The following FAT3 variants were observed in gnomAD, a reference collection of about 807,000 sequenced individuals.
FAT3 encodes the protein protocadherin Fat 3.
FAT3 carries 95 observed loss-of-function variants against 310.2 expected under a neutral mutation model. The ratio of observed to expected loss-of-function variants is 0.31; its 90% CI spans 0.26 to 0.36. The LOEUF (loss-of-function observed/expected upper bound fraction) is 0.36. Among genes scored for constraint, FAT3 ranks in the 10% least tolerant of loss-of-function variants. FAT3 has a pLI of 1.00. For synonymous variants in FAT3, 2,314 were observed against 2,192.9 expected (o/e 1.06, Z -1.54); for missense variants, 5,408 against 5,715.6 (o/e 0.95, Z 1.74).
Position 92,882,770 on chromosome 11 carries a change from A to C in FAT3, c.12314A>C (p.Glu4105Ala), listed in dbSNP as rs1565676273. 1.9e-6 allele frequency: 3 copies of C among 1,610,824 alleles called. No homozygotes were observed. In the Admixed American group the frequency reaches 5.0e-5, roughly 27 times the overall value. ...GAGGACATCAATGAGTGCGAACGAGAGGAGTGTGAGAACGGAGGCTCCTGC... is the reference window on the plus strand; with the variant it reads ...GAGGACATCAATGAGTGCGAACGAGCGGAGTGTGAGAACGGAGGCTCCTGC... ...CEEDINECEREECENGGSCVN... is the reference protein window; with the variant it reads ...CEEDINECERAECENGGSCVN... The change falls in exon 24 of 28, where the codon GAG becomes GCG. Residue 4105 changes from glutamate (E) to alanine (A), a missense_variant. Glu to Ala is a moderately radical substitution (Grantham distance 107). Coordinates refer to ENST00000525166, the MANE Select transcript of FAT3 (RefSeq NM_001367949.2).
At chr11:92,263,228 T>C (rs1037980168) in intron 1 of FAT3, among the ~76,000 whole-genome samples, 1 of 149,684 alleles carries the variant, frequency 6.7e-6, no homozygotes, top group Non-Finnish European at 1.5e-5. Flanking sequence ...CTGTCCATCA[T>C]TTTTTTTTTC....
intron 13 of FAT3, among the ~76,000 whole-genome samples, chr11:92,819,279 T>C (rs1490857613): frequency 6.6e-6 from 1 of 152,200 alleles, no homozygotes; most frequent in East Asian, 1.9e-4. Context: ...CAGTATCACC[T>C]GGGAGCTTGT....
At chr11:92,675,354 G>A (rs537833729) in intron 3 of FAT3, among the ~76,000 whole-genome samples, 1 of 152,284 alleles carries the variant, frequency 6.6e-6, no homozygotes, top group East Asian at 1.9e-4. Context: ...TATAGGAGAA[G>A]GACCTAAAGT....
At chr11:92,538,742 C>T (rs1954344284) in intron 3 of FAT3, among the ~76,000 whole-genome samples, 1 of 152,062 alleles carries the variant, frequency 6.6e-6, no homozygotes, top group Non-Finnish European at 1.5e-5. Context: ...TTTCACCATG[C>T]ACTGACATTT....
chr11:92,453,121 C>A (rs1318768055), intron 2 of FAT3, among the ~76,000 whole-genome samples: 1 of 152,088 alleles, frequency 6.6e-6, no homozygotes, highest in Non-Finnish European at 1.5e-5. Context: ...CCATTCATAT[C>A]TTTGCCGATT....
intron 3 of FAT3, among the ~76,000 whole-genome samples, chr11:92,555,829 C>G (rs1178541799): frequency 6.6e-6 from 1 of 152,240 alleles, no homozygotes; most frequent in Non-Finnish European, 1.5e-5. Flanking sequence ...AATTACCACA[C>G]TCACCACAGA....
intron 22 of FAT3, among the ~76,000 whole-genome samples, chr11:92,871,530 T>C (rs906032810): frequency 1.2e-4 from 18 of 152,234 alleles, no homozygotes; most frequent in African/African-American, 4.1e-4. Context: ...ACATTGTATG[T>C]AGTGTTCTCA....
At chr11:92,592,728 G>A (rs1488529011) in intron 3 of FAT3, among the ~76,000 whole-genome samples, 1 of 151,974 alleles carries the variant, frequency 6.6e-6, no homozygotes, top group Non-Finnish European at 1.5e-5. Flanking sequence ...GAGCACTAAT[G>A]GATAGTTGAT....
intron 3 of FAT3, among the ~76,000 whole-genome samples, chr11:92,665,726 G>T (rs1942928171): frequency 6.6e-6 from 1 of 152,174 alleles, no homozygotes; most frequent in South Asian, 2.1e-4. Flanking sequence ...TAAATTGTTA[G>T]AGTCCTCCCC....
intron 2 of FAT3, among the ~76,000 whole-genome samples, chr11:92,468,487 T>G (rs1401154781): frequency 1.3e-5 from 2 of 152,140 alleles, no homozygotes; most frequent in African/African-American, 4.8e-5. Context: ...TGTAGTGTAA[T>G]TCTTCTTTTT....
chr11:92,530,399 A>G (rs520597), intron 3 of FAT3, among the ~76,000 whole-genome samples: 2 of 151,864 alleles, frequency 1.3e-5, no homozygotes, highest in Admixed American at 1.3e-4. Context: ...AGGACAAGAC[A>G]GCAAACTTTA....
chr11:92,257,073 A>T (rs191203882), intron 1 of FAT3, among the ~76,000 whole-genome samples: 3 of 152,236 alleles, frequency 2.0e-5, no homozygotes, highest in South Asian at 2.1e-4. Flanking sequence ...CTTAAAAAAA[A>T]ATATCCAAAT....
intron 2 of FAT3, among the ~76,000 whole-genome samples, chr11:92,370,912 C>A (rs1949169248): frequency 6.6e-6 from 1 of 152,132 alleles, no homozygotes; most frequent in Non-Finnish European, 1.5e-5. Context: ...GTTCAAGAAC[C>A]AGGATGTAAG....
intron 18 of FAT3, among the ~76,000 whole-genome samples, chr11:92,841,637 A>G (rs1465788920): frequency 1.3e-5 from 2 of 152,240 alleles, no homozygotes; most frequent in Non-Finnish European, 2.9e-5. Flanking sequence ...CAAGGCAAGA[A>G]GAGCTTTTCA....
chr11:92,407,778 G>A (rs968919084), intron 2 of FAT3, among the ~76,000 whole-genome samples: 2 of 152,082 alleles, frequency 1.3e-5, no homozygotes, highest in Non-Finnish European at 2.9e-5. Context: ...GCGGCTTGTA[G>A]GGTCCTTTAT....
In FAT3 at chr11:92,774,117, G is replaced by A; in HGVS notation, c.4272G>A (p.Glu1424=). The A allele has an allele frequency of 1.2e-6, 2 of 1,613,756 alleles. No homozygotes were observed. Among genetic ancestry groups the A allele is most frequent in the Non-Finnish European group, 1.7e-6 (2 of 1,179,724 alleles). Reference sequence around the variant, plus strand: ...TCATCGCAAAACCTTTGGATGCAGAGCAGAGGTCCATCTATAATATGAGTG... The same window carrying A: ...TCATCGCAAAACCTTTGGATGCAGAACAGAGGTCCATCTATAATATGAGTG... ...TIVIAKPLDA[E]QRSIYNMSVE... The change falls in exon 7 of 28, where the codon GAG becomes GAA. Residue 1424 remains glutamate (E), a synonymous_variant. Transcript: ENST00000525166.
intron 4 of FAT3, among the ~76,000 whole-genome samples, chr11:92,759,149 G>C (rs1946080033): frequency 6.6e-6 from 1 of 152,170 alleles, no homozygotes; most frequent in Admixed American, 6.5e-5. Flanking sequence ...AAAGCAGATT[G>C]GAGCTATGTT....
At chr11:92,361,478 A>G (rs563649192) in intron 2 of FAT3, among the ~76,000 whole-genome samples, 1 of 151,904 alleles carries the variant, frequency 6.6e-6, no homozygotes, top group Non-Finnish European at 1.5e-5. Context: ...GAATGGGATT[A>G]ATGCCCTGAT....
chr11:92,226,509 T>C (rs10830889), intron 1 of FAT3, among the ~76,000 whole-genome samples: 150,052 of 151,934 alleles, frequency 0.99, 74,119 homozygotes, highest in East Asian at 1. Flanking sequence ...GGAACAGGGG[T>C]GCTCCCGGGG....
Sources: gnomAD v4.1 joint callset for allele counts (sites outside exome capture counted in the v4.1 genomes callset) on GRCh38, gnomAD v4.1.1 for gene constraint, MANE v1.5 for transcripts, NCBI Gene and HGNC (gene_info 2026-07-23, HGNC 2026-07-21) for gene names.